The following BRF1 variants were observed in gnomAD, a reference collection of about 807,000 sequenced individuals.
The protein encoded by BRF1 is BRF1 general transcription factor IIIB subunit.
In BRF1, 59 loss-of-function variants were observed where a neutral mutation model predicts 81.7. That is an observed-to-expected ratio of 0.72 (90% CI 0.59 to 0.90). BRF1 has a LOEUF of 0.90. Among genes scored for constraint, BRF1 ranks in the 40% least tolerant of loss-of-function variants. BRF1 has a pLI of 0.00. For missense variants in BRF1, 1,050 were observed against 936.3 expected, an observed-to-expected ratio of 1.12 and a Z score of -1.58; for synonymous variants, 491 against 395.6, an observed-to-expected ratio of 1.24 and a Z score of -2.86.
intron 4 of BRF1, among the ~76,000 whole-genome samples, chr14:105,255,227 T>C (rs587605054): frequency 6.6e-6 from 1 of 152,348 alleles, no homozygotes; most frequent in African/African-American, 2.4e-5. Context: ...AGTCGTGGGG[T>C]TGGAACCAGG....
At chr14:105,281,632 G>C (rs2057109668) in intron 2 of BRF1, among the ~76,000 whole-genome samples, 1 of 152,216 alleles carries the variant, frequency 6.6e-6, no homozygotes, top group Non-Finnish European at 1.5e-5. Context: ...ACAGTGGAGG[G>C]GGGCACTGAC....
intron 15 of BRF1, chr14:105,217,204 C>T (rs943951463): frequency 6.2e-5 from 27 of 432,046 alleles, no homozygotes; most frequent in Non-Finnish European, 1.1e-4. Flanking sequence ...AGGCACAGGG[C>T]GGCAGGGCTG....
At chr14:105,228,794 C>G (rs1340438542) in intron 7 of BRF1, 26 bp downstream of exon 7, 9 of 1,612,530 alleles carry the variant, frequency 5.6e-6, no homozygotes, top group Non-Finnish European at 7.6e-6. Flanking sequence ...TGTGTGGTCC[C>G]CATGCCATGA....
intron 2 of BRF1, among the ~76,000 whole-genome samples, chr14:105,281,895 C>T: frequency 6.6e-6 from 1 of 152,104 alleles, no homozygotes; most frequent in East Asian, 1.9e-4. Context: ...CAGCACATTT[C>T]ATGCACTTTA....
rs587737875 is a variant in BRF1 at position 105,226,593 on chromosome 14, C to T, written c.915+41G>A. The T allele has an allele frequency of 3.1e-6, 5 of 1,610,300 alleles. No individual in the cohort carries two copies. The African/African-American group carries it at 5.3e-5, about 17-fold the overall frequency. On this transcript the variant is annotated intron_variant, in intron 8 of 17. Transcript: ENST00000547530. ...CGGGGTGTGTGGCTTCCCCCCAAGG[C>T]TGGCAAGCCCAGCACAGACAGACAC...
intron 3 of BRF1, among the ~76,000 whole-genome samples, chr14:105,260,289 G>T (rs1352742804): frequency 2.6e-5 from 4 of 152,168 alleles, no homozygotes; most frequent in Admixed American, 2.6e-4. Flanking sequence ...AAAATAAGAT[G>T]GTGAGGGCAG....
intron 3 of BRF1, among the ~76,000 whole-genome samples, chr14:105,256,807 C>T (rs1350186679): frequency 2.0e-5 from 3 of 152,174 alleles, no homozygotes; most frequent in Non-Finnish European, 4.4e-5. Context: ...TGCAAGGAAC[C>T]TGGAGCCGGG....
intron 5 of BRF1, chr14:105,247,428 T>C (rs1367052627): frequency 5.1e-6 from 5 of 985,324 alleles, no homozygotes; most frequent in Non-Finnish European, 6.0e-6. Context: ...ATGGTGTCTG[T>C]TCACGTCCTT....
chr14:105,261,017 A>G (rs947359088), intron 3 of BRF1, among the ~76,000 whole-genome samples: 3 of 152,228 alleles, frequency 2.0e-5, no homozygotes, highest in Non-Finnish European at 4.4e-5. Context: ...GTGTCCTCCC[A>G]GCAGCCCCTC....
rs113379211 is a variant in BRF1 at position 105,249,775 on chromosome 14, C to T, written c.544+2732G>A. Reference sequence around the variant, plus strand: ...TGGAGACAAGTTTGGAAGCCAAGAACGCCTGCGTCCTGCTGTCCCAGAGCC... The same window carrying T: ...TGGAGACAAGTTTGGAAGCCAAGAATGCCTGCGTCCTGCTGTCCCAGAGCC... On this transcript the variant is annotated intron_variant, in intron 5 of 17. Transcript: ENST00000547530. 4.2e-5 allele frequency: 67 copies of T among 1,613,848 alleles called. No homozygotes were observed. The African/African-American group carries it at 4.9e-4, about 12-fold the overall frequency.
intron 5 of BRF1, chr14:105,247,598 G>C: frequency 1.0e-6 from 1 of 985,446 alleles, no homozygotes; most frequent in Non-Finnish European, 1.2e-6. Context: ...CAGAGACACA[G>C]AGCTCCTGTT....
rs377707397 is a variant in BRF1 at position 105,269,824 on chromosome 14, C to G, written c.439+2897G>C. On this transcript the variant is annotated intron_variant, in intron 3 of 17. Transcript: ENST00000547530. This position sits in a 1 kb window ranked among gnomAD's most constrained non-coding sequence, Gnocchi z 5.0. ...CACCCCACCTTGCTGACGCTGGGGT[C>G]CCAGTGCCGGCCTGCACCCTAGGCC... Among the ~76,000 whole-genome samples, 77 of 152,332 alleles carry G rather than the reference C, an allele frequency of 5.1e-4. No homozygotes were observed. The highest frequency in any genetic ancestry group is 1.8e-3 in the African/African-American group (75 of 41,564).
chr14:105,241,837 T>C (rs1248684604), intron 5 of BRF1: 3 of 223,508 alleles, frequency 1.3e-5, no homozygotes, highest in African/African-American at 4.5e-5. Context: ...CTGACACTCA[T>C]GGGTGAGAGG....
rs1054587005 is a variant in BRF1, at chr14:105,271,348, G to A, written c.439+1373C>T. ...ATTAGAGGCAAGGAGCTGAAGCCCC[G>A]CAGCTGCACAGCAAGGGCCAGGAGC... On this transcript the variant is annotated intron_variant, in intron 3 of 17. Coordinates refer to ENST00000547530, the MANE Select transcript of BRF1 (RefSeq NM_001519.4). The surrounding 1 kb of genome is among the most constrained non-coding windows in gnomAD (Gnocchi z 5.5). Among the ~76,000 whole-genome samples the A allele has an allele frequency of 2.0e-5, 3 of 152,238 alleles. No homozygotes were observed. The highest frequency in any genetic ancestry group is 7.2e-5 in the African/African-American group (3 of 41,468).
In BRF1 at chr14:105,272,890, C is replaced by A. The variant is rs1172789693; in HGVS notation, c.270G>T (p.Arg90Ser). 6.2e-7 allele frequency: 1 copy of A among 1,612,122 alleles called. No individual in the cohort carries two copies. ...GGTTCCCCAGGTGGTGGATGTGGCG[C>A]CTCCCTAGGACACAGCACGAGGCAG... The part of the protein sequence containing the change: ...ESRAQTLQNG[R>S]RHIHHLGNQL... Residue 90 changes from arginine to serine, a missense_variant, in exon 3 of 18, where the codon AGG (arginine) becomes AGT (serine). By Grantham distance (110) the Arg-to-Ser change is moderately radical (BLOSUM62 -1). Coordinates refer to ENST00000547530, the MANE Select transcript of BRF1 (RefSeq NM_001519.4).
At chr14:105,244,109 G>A (rs2054913549) in intron 5 of BRF1, among the ~76,000 whole-genome samples, 1 of 151,366 alleles carries the variant, frequency 6.6e-6, no homozygotes, top group African/African-American at 2.4e-5. Context: ...GGGAGTTCGA[G>A]GTCAGCCTGG....
At chr14:105,212,079 G>A in intron 16 of BRF1, 34 bp downstream of exon 16, 1 of 1,609,034 alleles carries the variant, frequency 6.2e-7, no homozygotes, top group Non-Finnish European at 8.5e-7. Flanking sequence ...TGCCTCCCAA[G>A]GTCTCCCTGC....
At chr14:105,290,068 T>C (rs1363091453) in intron 1 of BRF1, among the ~76,000 whole-genome samples, 1 of 152,242 alleles carries the variant, frequency 6.6e-6, no homozygotes, top group Non-Finnish European at 1.5e-5. Flanking sequence ...TTAGTGTATA[T>C]AATGCTTTTA....
chr14:105,243,540 C>T (rs1370727304), intron 5 of BRF1, among the ~76,000 whole-genome samples: 1 of 151,500 alleles, frequency 6.6e-6, no homozygotes, highest in East Asian at 1.9e-4. Flanking sequence ...ATCACTTGAG[C>T]CCGGGAGGTT....
Sources: allele counts gnomAD v4.1 joint callset (sites outside exome capture counted in the v4.1 genomes callset), GRCh38; gene constraint gnomAD v4.1.1; non-coding constraint Gnocchi (gnomAD v3.1); transcripts MANE v1.5; gene names NCBI Gene and HGNC (gene_info 2026-07-23, HGNC 2026-07-21).